Variants in LUZP2 observed in about 807,000 individuals in gnomAD.
The protein encoded by LUZP2 is leucine zipper protein 2.
LUZP2 carries 52 observed loss-of-function variants against 51.6 expected under a neutral mutation model. The ratio of observed to expected loss-of-function variants is 1.01; its 90% confidence interval spans 0.81 to 1.27. LUZP2 has a LOEUF of 1.27. Among genes scored for constraint, LUZP2 ranks in the 50% most tolerant of loss-of-function variants. The pLI is 0.00. For synonymous variants in LUZP2, 154 were observed against 137.3 expected (o/e 1.12, Z -0.85); for missense variants, 436 against 395.4 (o/e 1.10, Z -0.87).
At chr11:24,852,721 G>A (rs796267111) in intron 5 of LUZP2, among the ~76,000 whole-genome samples, 3 of 151,998 alleles carry the variant, frequency 2.0e-5, no homozygotes, top group African/African-American at 7.2e-5. Flanking sequence ...CTTTTTGTAG[G>A]CCTCTAAGAA....
intron 1 of LUZP2, among the ~76,000 whole-genome samples, chr11:24,689,763 CTGAGT>C (rs1857011419): frequency 6.6e-6 from 1 of 152,106 alleles, no homozygotes; most frequent in Admixed American, 6.6e-5. Context: ...CAATTTAGAA[CTGAGT>C]TATGTTCCTG....
At chr11:24,502,915 G>A (rs952793797) in intron 1 of LUZP2, among the ~76,000 whole-genome samples, 1 of 152,198 alleles carries the variant, frequency 6.6e-6, no homozygotes, top group African/African-American at 2.4e-5. Flanking sequence ...GGGTAGACTT[G>A]AAAGTTTTTA....
chr11:24,511,467 G>C (rs1466051199), intron 1 of LUZP2, among the ~76,000 whole-genome samples: 1 of 152,134 alleles, frequency 6.6e-6, no homozygotes, highest in Non-Finnish European at 1.5e-5. Context: ...CAGCTTACAG[G>C]GATGGTAAAA....
chr11:24,840,433 A>G (rs954744503), intron 5 of LUZP2, among the ~76,000 whole-genome samples: 13 of 151,292 alleles, frequency 8.6e-5, no homozygotes, highest in African/African-American at 2.4e-4. Context: ...CAAGGATTGG[A>G]AAAAAAAATC....
chr11:24,543,248 A>G (rs187108756), intron 1 of LUZP2, among the ~76,000 whole-genome samples: 141 of 151,002 alleles, frequency 9.3e-4, no homozygotes, highest in Middle Eastern at 6.8e-3. Context: ...TGCGAAAGGT[A>G]TACCTTCACT....
chr11:24,690,929 A>T (rs1342001884), intron 1 of LUZP2, among the ~76,000 whole-genome samples: 1 of 152,060 alleles, frequency 6.6e-6, no homozygotes, highest in East Asian at 1.9e-4. Flanking sequence ...AAATTTTAAG[A>T]TGATAATTCA....
At chr11:24,775,750 T>G (rs1848896996) in intron 5 of LUZP2, among the ~76,000 whole-genome samples, 1 of 152,148 alleles carries the variant, frequency 6.6e-6, no homozygotes, top group Admixed American at 6.6e-5. Context: ...TGGGTCACTT[T>G]TTCGGTTCTC....
At chr11:24,947,746 C>G (rs1322841554) in intron 7 of LUZP2, among the ~76,000 whole-genome samples, 1 of 151,788 alleles carries the variant, frequency 6.6e-6, no homozygotes, top group East Asian at 1.9e-4. Flanking sequence ...TGGGTGATAT[C>G]TGTTTTATCC....
chr11:24,513,224 G>C (rs1175465239), intron 1 of LUZP2, among the ~76,000 whole-genome samples: 1 of 152,062 alleles, frequency 6.6e-6, no homozygotes, highest in African/African-American at 2.4e-5. Flanking sequence ...AATTAAAATT[G>C]TATTTGCTGA....
chr11:24,800,378 A>G (rs938816287), intron 5 of LUZP2, among the ~76,000 whole-genome samples: 2 of 152,014 alleles, frequency 1.3e-5, no homozygotes, highest in Non-Finnish European at 2.9e-5. Context: ...TTCACTTGCA[A>G]CTGGGTATAT....
chr11:24,974,866 G>A (rs1352879491), intron 7 of LUZP2, among the ~76,000 whole-genome samples: 1 of 151,976 alleles, frequency 6.6e-6, no homozygotes, highest in Non-Finnish European at 1.5e-5. Flanking sequence ...TTGAGAAGGA[G>A]AAAATAATGT....
At chr11:24,848,367 G>A (rs1301156418) in intron 5 of LUZP2, among the ~76,000 whole-genome samples, 2 of 151,946 alleles carry the variant, frequency 1.3e-5, no homozygotes, top group African/African-American at 4.8e-5. Flanking sequence ...ACATTTATTT[G>A]TTTGCTCAAT....
intron 1 of LUZP2, among the ~76,000 whole-genome samples, chr11:24,633,098 A>C (rs570293476): frequency 6.6e-6 from 1 of 151,904 alleles, no homozygotes; most frequent in Admixed American, 6.6e-5. Context: ...AGTCTGGGAG[A>C]TTTTCTTGTT....
intron 4 of LUZP2, among the ~76,000 whole-genome samples, chr11:24,741,838 TATTTATAAATATAAATATATAA>T (rs1432423206): frequency 2.1e-3 from 295 of 141,352 alleles, no homozygotes; most frequent in African/African-American, 7.5e-3. Flanking sequence ...TATTTATATA[TATTTATAAATATAAATATATAA>T]ATGTATATAT....
At chr11:24,899,281 T>G (rs1205593669) in intron 5 of LUZP2, among the ~76,000 whole-genome samples, 4 of 152,126 alleles carry the variant, frequency 2.6e-5, no homozygotes, top group Non-Finnish European at 5.9e-5. Flanking sequence ...TTAGTAATTA[T>G]GTATGGCAGA....
At chr11:24,909,048 A>G (rs1171997955) in intron 6 of LUZP2, among the ~76,000 whole-genome samples, 2 of 151,856 alleles carry the variant, frequency 1.3e-5, no homozygotes, top group Non-Finnish European at 2.9e-5. Context: ...GGCATGAGCC[A>G]CCGCACCCAG....
chr11:24,650,718 G>C (rs1855600411), intron 1 of LUZP2, among the ~76,000 whole-genome samples: 1 of 152,012 alleles, frequency 6.6e-6, no homozygotes, highest in Non-Finnish European at 1.5e-5. Flanking sequence ...CAAAATTTGT[G>C]TTTAACTATT....
In LUZP2 at chr11:24,732,098, T is replaced by G. The variant is rs754786701; in HGVS notation, c.181-20T>G. 3 of 1,592,176 alleles carry G rather than the reference T, an allele frequency of 1.9e-6. No homozygotes were observed. Among genetic ancestry groups the G allele is most frequent in the Non-Finnish European group, 1.7e-6 (2 of 1,166,068 alleles). ...ATTTCTCACCTGAATAAAACTTCATTTTTCCACTTTTCTTATCAGTCCTTA... is the reference window on the plus strand; with the variant it reads ...ATTTCTCACCTGAATAAAACTTCATGTTTCCACTTTTCTTATCAGTCCTTA... On this transcript the variant is annotated intron_variant, in intron 2 of 11. Transcript: ENST00000336930.
intron 5 of LUZP2, among the ~76,000 whole-genome samples, chr11:24,823,065 A>C (rs1410617857): frequency 6.6e-6 from 1 of 152,220 alleles, no homozygotes; most frequent in African/African-American, 2.4e-5. Flanking sequence ...TAGCCAGACA[A>C]GATCTCTGTT....
Sources: gnomAD v4.1 joint callset for allele counts (sites outside exome capture counted in the v4.1 genomes callset) on GRCh38, gnomAD v4.1.1 for gene constraint, MANE v1.5 for transcripts, NCBI Gene and HGNC (gene_info 2026-07-23, HGNC 2026-07-21) for gene names.